SMARCA5: variants seen among roughly 807,000 people sequenced by gnomAD.
The protein encoded by SMARCA5 is SNF2 related chromatin remodeling ATPase 5, also known as SWI/SNF-related matrix-associated actin-dependent regulator of chromatin subfamily A member 5.
A neutral mutation model predicts 140.4 loss-of-function variants in SMARCA5; 18 were observed. The ratio of observed to expected loss-of-function variants is 0.13; its 90% CI spans 0.09 to 0.19. The LOEUF is 0.19. Among genes scored for constraint, SMARCA5 ranks in the 10% least tolerant of loss-of-function variants. The pLI is 1.00. For missense variants in SMARCA5, 606 were observed against 1,276.8 expected (o/e 0.47, Z 8.01); for synonymous variants, 449 against 419.6 (o/e 1.07, Z -0.86).
intron 14 of SMARCA5, 76 bp downstream of exon 14, chr4:143,540,571 A>T: frequency 7.2e-7 from 1 of 1,394,006 alleles, no homozygotes; most frequent in South Asian, 1.4e-5. Flanking sequence ...GTCTTAGAAG[A>T]TTCTTGTTAC....
chr4:143,541,255 T>A (rs1164199274), intron 14 of SMARCA5, among the ~76,000 whole-genome samples: 4 of 152,208 alleles, frequency 2.6e-5, no homozygotes, highest in Admixed American at 2.6e-4. Flanking sequence ...CTTAATAATT[T>A]CAAGTGTGCA....
intron 11 of SMARCA5, among the ~76,000 whole-genome samples, chr4:143,537,332 A>G (rs1335339395): frequency 6.6e-6 from 1 of 152,212 alleles, no homozygotes; most frequent in Non-Finnish European, 1.5e-5. Flanking sequence ...GATACGAAAT[A>G]TCACTGCTAT....
intron 14 of SMARCA5, among the ~76,000 whole-genome samples, chr4:143,541,009 C>G (rs138101898): frequency 6.6e-6 from 1 of 152,232 alleles, no homozygotes; most frequent in East Asian, 1.9e-4. Context: ...GTAAATGGAA[C>G]AAACAAGTAT....
chr4:143,519,540 T>C (rs192042911), intron 2 of SMARCA5, among the ~76,000 whole-genome samples: 1 of 152,212 alleles, frequency 6.6e-6, no homozygotes, highest in East Asian at 1.9e-4. Context: ...CTTAGTGGCC[T>C]TTATTGGAAC....
rs769156980 is a variant in SMARCA5 at position 143,538,881 on chromosome 4, T to C, written c.1713T>C (p.Ala571=). ...AGGLGINLAT[A]DVVILYDSDW... is the part of the protein sequence containing the mutation. Reference sequence around the variant, plus strand: ...GTCTTGGCATCAATCTTGCGACTGCTGATGTAGTAATTTTGTATGATTCTG... The same window carrying C: ...GTCTTGGCATCAATCTTGCGACTGCCGATGTAGTAATTTTGTATGATTCTG... The change falls in exon 13 of 24, where the codon GCT becomes GCC. Residue 571 remains alanine, a synonymous_variant. Transcript: ENST00000283131. The C allele has an allele frequency of 2.5e-6, 4 of 1,614,124 alleles. No individual in the cohort carries two copies. Among genetic ancestry groups the C allele is most frequent in the Non-Finnish European group, 3.4e-6 (4 of 1,179,966 alleles).
chr4:143,545,650 TATAA>T, intron 18 of SMARCA5, 67 bp downstream of exon 18: 1 of 964,888 alleles, frequency 1.0e-6, no homozygotes, highest in Non-Finnish European at 1.6e-6. Flanking sequence ...AAACATTAGT[TATAA>T]ATATTTATCT....
intron 13 of SMARCA5, among the ~76,000 whole-genome samples, chr4:143,539,512 T>G (rs2149822769): frequency 6.6e-6 from 1 of 150,936 alleles, no homozygotes; most frequent in African/African-American, 2.4e-5. Flanking sequence ...CAAACCCAAC[T>G]TTAATCTCTG....
chr4:143,534,724 G>T (rs1737268685), intron 9 of SMARCA5, 131 bp from the exon 10 acceptor site: 1 of 605,784 alleles, frequency 1.7e-6, no homozygotes. Context: ...GCAGGGAGAA[G>T]TCCTAAGAAA....
intron 9 of SMARCA5, among the ~76,000 whole-genome samples, chr4:143,531,175 C>T (rs1578796902): frequency 6.6e-6 from 1 of 152,212 alleles, no homozygotes; most frequent in African/African-American, 2.4e-5. Context: ...AAGAATCTAA[C>T]AGGTTCACTT....
intron 22 of SMARCA5, 29 bp downstream of exon 22, chr4:143,548,169 G>C: frequency 7.4e-7 from 1 of 1,353,212 alleles, no homozygotes; most frequent in Non-Finnish European, 1.0e-6. Context: ...TTTGTGTAAT[G>C]TAGCAGAGTT....
chr4:143,539,451 A>T (rs1374720940), intron 13 of SMARCA5, among the ~76,000 whole-genome samples: 1 of 151,990 alleles, frequency 6.6e-6, no homozygotes. Context: ...TTATTTTTAG[A>T]TTGAGAGAAT....
chr4:143,526,872 A>T (rs556172688), intron 6 of SMARCA5, among the ~76,000 whole-genome samples: 98 of 152,200 alleles, frequency 6.4e-4, no homozygotes, highest in Middle Eastern at 3.4e-3. Flanking sequence ...AAAAAAAAAA[A>T]ATCATACTGG....
At chr4:143,523,149 G>A (rs990514351) in intron 3 of SMARCA5, among the ~76,000 whole-genome samples, 4 of 152,088 alleles carry the variant, frequency 2.6e-5, no homozygotes, top group Non-Finnish European at 5.9e-5. Context: ...AGCGATTCTT[G>A]GACCTCAGCT....
At chr4:143,533,538 A>C (rs1000094611) in intron 9 of SMARCA5, among the ~76,000 whole-genome samples, 6 of 132,236 alleles carry the variant, frequency 4.5e-5, no homozygotes, top group African/African-American at 1.8e-4. Flanking sequence ...GATGGAGTCT[A>C]GCTCTGTCGC....
Position 143,538,953 on chromosome 4 carries a change from A to G in SMARCA5, c.1770+15A>G. 6.2e-7 allele frequency: 1 copy of G among 1,610,748 alleles called. No homozygotes were observed. Among genetic ancestry groups the G allele is most frequent in the Non-Finnish European group, 8.5e-7 (1 of 1,177,636 alleles). ...TTCAGGCTATGGTAAGAGATAACGA[A>G]TAAATATATTCTGTGCTTAGTAGAT... On this transcript the variant is annotated intron_variant, in intron 13 of 23. Coordinates refer to ENST00000283131, the MANE Select transcript of SMARCA5 (RefSeq NM_003601.4).
intron 11 of SMARCA5, among the ~76,000 whole-genome samples, 162 bp from the exon 12 acceptor site, chr4:143,538,428 G>A (rs1411460375): frequency 6.6e-6 from 1 of 152,114 alleles, no homozygotes; most frequent in Non-Finnish European, 1.5e-5. Context: ...AGAAAAAAGT[G>A]GGAAATGACT....
In SMARCA5 at chr4:143,546,764, G is replaced by T; in HGVS notation, c.2521-12G>T. ...TGCTGTGATTAAATATTTTGTTTCT[G>T]TTCCTGTGAAGGGATTTACCAATTG... On this transcript the variant is annotated splice_polypyrimidine_tract_variant and intron_variant, in intron 19 of 23. Transcript: ENST00000283131. 1 of 1,599,648 alleles carries T rather than the reference G, an allele frequency of 6.3e-7. No individual in the cohort carries two copies. The highest frequency in any genetic ancestry group is 1.7e-5 in the Admixed American group (1 of 58,488).
In SMARCA5 at chr4:143,525,452, T is replaced by C. The variant is rs764381725; in HGVS notation, c.522T>C (p.Tyr174=). The change falls in exon 5 of 24, where the codon TAT becomes TAC. Residue 174 remains tyrosine, a splice_region_variant and synonymous_variant. Transcript: ENST00000283131. ...ATTGTGCTTTTCTTTTGTTCTTAGA[T>C]GTAAAATGGGGTAAACTGAGAGATT... ...VCTRFEDSPS[Y]VKWGKLRDYQ... The C allele has an allele frequency of 2.5e-6, 4 of 1,602,480 alleles. No individual in the cohort carries two copies. The Admixed American group carries it at 5.0e-5, about 20-fold the overall frequency.
chr4:143,549,956 G>A (rs965991029), intron 22 of SMARCA5, 41 bp from the exon 23 acceptor site: 9 of 1,113,568 alleles, frequency 8.1e-6, no homozygotes, highest in Non-Finnish European at 9.4e-6. Flanking sequence ...CATGAAACTT[G>A]TGGATGGAAA....
Sources: gnomAD v4.1 joint callset for allele counts (sites outside exome capture counted in the v4.1 genomes callset) on GRCh38, gnomAD v4.1.1 for gene constraint, MANE v1.5 for transcripts, NCBI Gene and HGNC (gene_info 2026-07-23, HGNC 2026-07-21) for gene names.